The following KMT2C variants were observed in gnomAD, a reference collection of about 807,000 sequenced individuals.
KMT2C encodes histone-lysine N-methyltransferase 2C.
KMT2C carries 88 observed loss-of-function variants against 507.9 expected under a neutral mutation model. The observed-to-expected ratio is 0.17, with a 90% CI of 0.15 to 0.21. The LOEUF is 0.21. Ranked by LOEUF, KMT2C falls within the 10% of genes least tolerant of loss-of-function variation. The pLI, the probability that KMT2C is intolerant of heterozygous loss-of-function variation, is 1.00. For synonymous variants in KMT2C, 2,049 were observed against 2,080.8 expected, an observed-to-expected ratio of 0.98 and a Z score of 0.42; for missense variants, 4,954 against 5,957.8, an observed-to-expected ratio of 0.83 and a Z score of 5.55.
In KMT2C at chr7:152,327,883, A is replaced by G. The variant is rs556348428; in HGVS notation, c.389+2718T>C. Among the ~76,000 whole-genome samples, 28 of 148,896 alleles carry G rather than the reference A, an allele frequency of 1.9e-4. No individual in the cohort carries two copies. In the South Asian group the frequency reaches 3.2e-3, roughly 17 times the overall value. The stretch of plus-strand genomic sequence containing the variant: ...TGAGGCAGAAGAATGGCGTGAACCC[A>G]GGAGGTGGAGCTTGCAGTGAGCCAA... On this transcript the variant is annotated intron_variant, in intron 3 of 58. Coordinates refer to ENST00000262189, the MANE Select transcript of KMT2C (RefSeq NM_170606.3).
chr7:152,410,128 T>C lies in KMT2C; in HGVS notation c.161+25498A>G, dbSNP rs5004955. ...AGTTCTGATTTCATTATTAAAAATATAGGCCGGGCACGGTGGCTCATGCCG... is the reference window on the plus strand; with the variant it reads ...AGTTCTGATTTCATTATTAAAAATACAGGCCGGGCACGGTGGCTCATGCCG... On this transcript the variant is annotated intron_variant, in intron 1 of 58. Coordinates refer to ENST00000262189, the MANE Select transcript of KMT2C (RefSeq NM_170606.3). 2.8e-3 allele frequency among the ~76,000 whole-genome samples: 423 copies of C among 152,258 alleles called. 4 individuals are homozygous for C. The highest frequency in any genetic ancestry group is 0.027 in the Middle Eastern group (8 of 294).
rs1360771544 is a variant in KMT2C, at chr7:152,248,410, G to T, written c.2024C>A (p.Thr675Lys). Residue 675 changes from threonine to lysine, a missense_variant, in exon 14 of 59, where the codon ACA (threonine) becomes AAA (lysine). By Grantham distance (78) the Thr-to-Lys change is moderately conservative (BLOSUM62 -1). This residue lies in a region of KMT2C where 376 missense variants were observed against 352.4 expected (regional missense o/e 1.07). Transcript: ENST00000262189. ...EQLQLLEEPETVVSREESRPP... is the reference protein window; with the variant it reads ...EQLQLLEEPEKVVSREESRPP... The stretch of plus-strand genomic sequence containing the variant: ...CCTTGATTCTTCTCTGGATACCACT[G>T]TTTCAGGTTCCTCTAACAACTGCAG... The T allele has an allele frequency of 4.3e-6, 7 of 1,614,076 alleles. No individual in the cohort carries two copies. Among genetic ancestry groups the T allele is most frequent in the Non-Finnish European group, 4.2e-6 (5 of 1,179,990 alleles).
chr7:152,143,522 C>A (rs1336429371), intron 55 of KMT2C, among the ~76,000 whole-genome samples: 1 of 152,262 alleles, frequency 6.6e-6, no homozygotes, highest in Non-Finnish European at 1.5e-5. Context: ...AACAAGCTCC[C>A]AGGTGACACT....
intron 25 of KMT2C, among the ~76,000 whole-genome samples, chr7:152,204,470 C>T (rs908478289): frequency 3.9e-5 from 6 of 152,010 alleles, no homozygotes; most frequent in African/African-American, 1.2e-4. Context: ...TGGTGTGTGC[C>T]TGTGGTCTCC....
chr7:152,361,184 A>G (rs943536602), intron 1 of KMT2C, among the ~76,000 whole-genome samples: 1 of 152,212 alleles, frequency 6.6e-6, no homozygotes, highest in Admixed American at 6.5e-5. Context: ...AAGATGAAAA[A>G]GGGTGAATTA....
intron 1 of KMT2C, among the ~76,000 whole-genome samples, chr7:152,404,866 T>TG (rs576977669): frequency 1.3e-5 from 2 of 152,140 alleles, no homozygotes; most frequent in Admixed American, 6.5e-5. Flanking sequence ...TGTTTTGTTT[T>TG]TTGAGATAGG....
At chr7:152,384,047 T>TGTGTGTGTGC (rs2097398684) in intron 1 of KMT2C, among the ~76,000 whole-genome samples, 1 of 149,486 alleles carries the variant, frequency 6.7e-6, no homozygotes, top group African/African-American at 2.5e-5. Context: ...TGTGTGTCTG[T>TGTGTGTGTGC]GTGTGTGTGC....
chr7:152,353,503 C>CT (rs1379309181), intron 2 of KMT2C, among the ~76,000 whole-genome samples: 1 of 152,038 alleles, frequency 6.6e-6, no homozygotes, highest in African/African-American at 2.4e-5. Context: ...GCATTCTTTT[C>CT]TTTTTTCTGA....
intron 14 of KMT2C, among the ~76,000 whole-genome samples, chr7:152,240,788 A>G (rs10273735): frequency 0.11 from 16,385 of 151,414 alleles, 1,790 homozygotes; most frequent in African/African-American, 0.3. Context: ...TTTTGTCTCC[A>G]ATCCTTCTAC....
chr7:152,164,149 T>C (rs2092608702), intron 42 of KMT2C, among the ~76,000 whole-genome samples: 1 of 152,078 alleles, frequency 6.6e-6, no homozygotes, highest in East Asian at 1.9e-4. Context: ...ACATAAAAAA[T>C]ATACAATAAA....
intron 23 of KMT2C, among the ~76,000 whole-genome samples, chr7:152,218,597 A>G (rs1234736098): frequency 6.6e-6 from 1 of 152,206 alleles, no homozygotes; most frequent in African/African-American, 2.4e-5. Flanking sequence ...TCCTCTTAAA[A>G]TATAAATAAG....
At chr7:152,376,332 T>A (rs745486940) in intron 1 of KMT2C, among the ~76,000 whole-genome samples, 1 of 152,228 alleles carries the variant, frequency 6.6e-6, no homozygotes, top group Non-Finnish European at 1.5e-5. Flanking sequence ...GGAAAAGTCA[T>A]GTGCCTCTCA....
At chr7:152,431,499 G>A (rs1242692239) in intron 1 of KMT2C, among the ~76,000 whole-genome samples, 1 of 151,864 alleles carries the variant, frequency 6.6e-6, no homozygotes, top group Admixed American at 6.6e-5. Context: ...CCAGCTACTT[G>A]GGAGGCTGAG....
chr7:152,398,732 CTCTT>C (rs1024062329), intron 1 of KMT2C, among the ~76,000 whole-genome samples: 1 of 152,026 alleles, frequency 6.6e-6, no homozygotes, highest in Non-Finnish European at 1.5e-5. Flanking sequence ...CCCTCCTGTG[CTCTT>C]TATTTTTACC....
chr7:152,365,270 G>A (rs946458741), intron 1 of KMT2C, among the ~76,000 whole-genome samples: 3 of 152,208 alleles, frequency 2.0e-5, no homozygotes, highest in Non-Finnish European at 4.4e-5. Context: ...CAGCACTTTG[G>A]GAAGCCGAGG....
chr7:152,342,768 G>GA (rs1381874730), intron 2 of KMT2C, among the ~76,000 whole-genome samples: 3 of 152,184 alleles, frequency 2.0e-5, no homozygotes, highest in African/African-American at 7.2e-5. Flanking sequence ...GAACTTCACA[G>GA]AAAAATATCT....
At chr7:152,349,859 C>T (rs753481667) in intron 2 of KMT2C, among the ~76,000 whole-genome samples, 1 of 152,082 alleles carries the variant, frequency 6.6e-6, no homozygotes, top group Non-Finnish European at 1.5e-5. Context: ...GATGTTGATA[C>T]TGAAAAAGGC....
intron 23 of KMT2C, among the ~76,000 whole-genome samples, chr7:152,215,203 G>A (rs1211075921): frequency 6.6e-6 from 1 of 151,946 alleles, no homozygotes; most frequent in Non-Finnish European, 1.5e-5. Context: ...GTGATTCATT[G>A]TACTATTCAC....
At chr7:152,182,905 A>C (rs1309639685) in intron 35 of KMT2C, 69 bp downstream of exon 35, 1 of 1,109,822 alleles carries the variant, frequency 9.0e-7, no homozygotes, top group African/African-American at 1.6e-5. Flanking sequence ...CTAAAATAAT[A>C]ATGCAAAGAC....
Sources: allele counts gnomAD v4.1 joint callset (sites outside exome capture counted in the v4.1 genomes callset), GRCh38; gene constraint gnomAD v4.1.1; regional missense constraint gnomAD v4.1.1; transcripts MANE v1.5; gene names NCBI Gene and HGNC (gene_info 2026-07-23, HGNC 2026-07-21).